PKIB: variants seen among roughly 807,000 people sequenced by gnomAD.
The protein encoded by PKIB is cAMP-dependent protein kinase inhibitor beta, also known as PKI-beta.
In PKIB, 2 loss-of-function variants were observed where a neutral mutation model predicts 4.5. That is an observed-to-expected ratio of 0.44 (90% confidence interval 0.18 to 1.39). The LOEUF (loss-of-function observed/expected upper bound fraction) is 1.39, where lower values mean the gene tolerates loss of function less well. Among genes scored for constraint, PKIB ranks in the 40% most tolerant of loss-of-function variants. The pLI is 0.27. For missense variants in PKIB, 94 were observed against 92.6 expected (o/e 1.02, Z -0.06); for synonymous variants, 38 against 36.0 (o/e 1.06, Z -0.20).
chr6:122,682,265 C>T (rs1366474525), intron 3 of PKIB, among the ~76,000 whole-genome samples: 4 of 151,910 alleles, frequency 2.6e-5, no homozygotes, highest in East Asian at 1.9e-4. Context: ...TTTTGTCAGG[C>T]GGCTGGCCAG....
At chr6:122,480,653 C>T (rs1313013549) in intron 2 of PKIB, 1 of 152,030 alleles carries the variant, frequency 6.6e-6, no homozygotes, top group African/African-American at 2.4e-5. Flanking sequence ...CTATCTCTTC[C>T]CTTTGATCTG....
chr6:122,698,199 A>G (rs1010177463), intron 3 of PKIB, among the ~76,000 whole-genome samples: 1 of 152,088 alleles, frequency 6.6e-6, no homozygotes, highest in Non-Finnish European at 1.5e-5. Context: ...ATGGCCTTCT[A>G]TTGCCATTCA....
At chr6:122,701,495 A>G (rs745941800) in intron 3 of PKIB, 20 of 1,596,904 alleles carry the variant, frequency 1.3e-5, no homozygotes, top group Admixed American at 1.2e-4. Context: ...AGCATGTCAC[A>G]CCAGGGTATA....
chr6:122,617,252 G>C (rs1002154466), intron 1 of PKIB, among the ~76,000 whole-genome samples: 1 of 152,120 alleles, frequency 6.6e-6, no homozygotes, highest in African/African-American at 2.4e-5. Flanking sequence ...GTCCCTTATG[G>C]ATTCAACCAT....
intron 2 of PKIB, among the ~76,000 whole-genome samples, chr6:122,486,036 A>G (rs1775757490): frequency 6.6e-6 from 1 of 152,216 alleles, no homozygotes; most frequent in East Asian, 1.9e-4. Context: ...AAATGTGGCT[A>G]ATTCATCACA....
intron 3 of PKIB, among the ~76,000 whole-genome samples, chr6:122,716,811 G>A (rs1273569980): frequency 6.6e-6 from 1 of 152,078 alleles, no homozygotes; most frequent in Admixed American, 6.6e-5. Context: ...CCATCCTTCG[G>A]TCAATACTTA....
intron 2 of PKIB, among the ~76,000 whole-genome samples, chr6:122,550,708 T>G (rs932128017): frequency 3.9e-5 from 6 of 152,192 alleles, no homozygotes; most frequent in Admixed American, 3.3e-4. Context: ...GGAACTTCCC[T>G]TTGTTGCCAT....
intron 3 of PKIB, among the ~76,000 whole-genome samples, chr6:122,594,844 C>A (rs367651418): frequency 1.6e-3 from 247 of 152,294 alleles, no homozygotes; most frequent in African/African-American, 5.8e-3. Context: ...TCCTGTATTC[C>A]ATGCGTACAT....
intron 3 of PKIB, among the ~76,000 whole-genome samples, chr6:122,690,844 G>A (rs1352047114): frequency 2.6e-5 from 4 of 151,024 alleles, no homozygotes. Context: ...TGTAAGACAG[G>A]TCTGGTGTTG....
chr6:122,531,989 C>T (rs919232524), intron 2 of PKIB, among the ~76,000 whole-genome samples: 6 of 152,158 alleles, frequency 3.9e-5, no homozygotes, highest in African/African-American at 7.2e-5. Flanking sequence ...ACAGACTTAC[C>T]ACATTTTCAG....
At chr6:122,482,141 TGGTAGAGAC>T (rs1200864717) in intron 2 of PKIB, 1 of 152,516 alleles carries the variant, frequency 6.6e-6, no homozygotes, top group Admixed American at 6.5e-5. Flanking sequence ...TTTGTATTTT[TGGTAGAGAC>T]GGGGTTTCAC....
At chr6:122,644,222 T>C (rs1776227789) in intron 2 of PKIB, 2 of 152,338 alleles carry the variant, frequency 1.3e-5, no homozygotes, top group East Asian at 3.9e-4. Flanking sequence ...TCTTTTGCTG[T>C]TTTTGCTTGT....
intron 2 of PKIB, among the ~76,000 whole-genome samples, chr6:122,658,328 A>G (rs370876757): frequency 9.2e-5 from 14 of 152,290 alleles, no homozygotes; most frequent in African/African-American, 3.1e-4. Flanking sequence ...TTACTAAGTG[A>G]TGAATCAGAT....
intron 2 of PKIB, among the ~76,000 whole-genome samples, chr6:122,557,326 C>T (rs142586950): frequency 0.01 from 1,543 of 152,280 alleles, 10 homozygotes; most frequent in Non-Finnish European, 0.016. Flanking sequence ...TCAACTCAAC[C>T]GATACCTGTG....
chr6:122,472,641 GTGT>G (rs1775337799), intron 1 of PKIB, among the ~76,000 whole-genome samples: 1 of 152,128 alleles, frequency 6.6e-6, no homozygotes, highest in South Asian at 2.1e-4. Flanking sequence ...TAATAAGAAA[GTGT>G]TGTAAAATCT....
At chr6:122,538,498 G>A (rs1176053603) in intron 2 of PKIB, among the ~76,000 whole-genome samples, 1 of 151,992 alleles carries the variant, frequency 6.6e-6, no homozygotes, top group Non-Finnish European at 1.5e-5. Flanking sequence ...TAGATACGTG[G>A]CATTATTTCT....
chr6:122,508,322 G>C (rs1246251466), intron 2 of PKIB, among the ~76,000 whole-genome samples: 1 of 152,226 alleles, frequency 6.6e-6, no homozygotes, highest in African/African-American at 2.4e-5. Context: ...CTGTTTGTCA[G>C]ATTATGTTAG....
At chr6:122,584,290 A>G (rs752287151) in intron 2 of PKIB, among the ~76,000 whole-genome samples, 1 of 152,118 alleles carries the variant, frequency 6.6e-6, no homozygotes, top group Non-Finnish European at 1.5e-5. Flanking sequence ...TTCTTATCTC[A>G]TGGTAACATC....
chr6:122,674,189 T>C (rs1280775808), intron 2 of PKIB, among the ~76,000 whole-genome samples: 2 of 152,154 alleles, frequency 1.3e-5, no homozygotes, highest in African/African-American at 4.8e-5. Context: ...GGGCTTGATA[T>C]TGTAGGTGAT....
Sources: allele counts gnomAD v4.1 joint callset (sites outside exome capture counted in the v4.1 genomes callset), GRCh38; gene constraint gnomAD v4.1.1; transcripts MANE v1.5; gene names NCBI Gene and HGNC (gene_info 2026-07-23, HGNC 2026-07-21).